The following DYNC2I1 variants were observed in gnomAD, a reference collection of about 807,000 sequenced individuals.
The protein encoded by DYNC2I1 is dynein 2 intermediate chain 1, also known as cytoplasmic dynein 2 intermediate chain 1.
In DYNC2I1, 89 loss-of-function variants were observed where a neutral mutation model predicts 133.4. The ratio of observed to expected loss-of-function variants is 0.67; its 90% CI spans 0.56 to 0.80. DYNC2I1 has a LOEUF of 0.80. Among genes scored for constraint, DYNC2I1 ranks in the 30% least tolerant of loss-of-function variants. DYNC2I1 has a pLI of 0.00. For missense variants in DYNC2I1, 1,291 were observed against 1,314.5 expected, an observed-to-expected ratio of 0.98 and a Z score of 0.28; for synonymous variants, 504 against 484.3, an observed-to-expected ratio of 1.04 and a Z score of -0.54.
chr7:158,894,232 A>G (rs1225482173), intron 8 of DYNC2I1, among the ~76,000 whole-genome samples: 3 of 152,064 alleles, frequency 2.0e-5, no homozygotes, highest in African/African-American at 7.2e-5. Flanking sequence ...CCTACCACAT[A>G]TCGTACTGCA....
At chr7:158,950,151 C>A (rs1195557198), downstream of DYNC2I1, among the ~76,000 whole-genome samples, 9 of 152,176 alleles carry the variant, frequency 5.9e-5, no homozygotes, top group Non-Finnish European at 1.2e-4. Context: ...GCAGCCTCTG[C>A]CTCCCAGGTT....
chr7:158,844,457 G>T, the DYNC2I1 span, among the ~76,000 whole-genome samples: 1 of 151,888 alleles, frequency 6.6e-6, no homozygotes, highest in African/African-American at 2.4e-5. Context: ...GGGAATTGGG[G>T]TGGGTGGGTG....
chr7:158,886,708 A>G (rs1329585703), intron 6 of DYNC2I1, among the ~76,000 whole-genome samples: 1 of 152,034 alleles, frequency 6.6e-6, no homozygotes, highest in Admixed American at 6.6e-5. Flanking sequence ...GGCTCAAGCA[A>G]ACCTCCTGCC....
chr7:158,942,227 T>C (rs1851450370), intron 24 of DYNC2I1, 79 bp downstream of exon 24: 1 of 1,147,046 alleles, frequency 8.7e-7, no homozygotes, highest in African/African-American at 1.6e-5. Context: ...CTTTCTTCAT[T>C]AATTTTTGCA....
chr7:158,879,976 A>G lies in DYNC2I1; in HGVS notation c.866A>G (p.Lys289Arg). 6.3e-7 allele frequency: 1 copy of G among 1,595,838 alleles called. No individual in the cohort carries two copies. The highest frequency in any genetic ancestry group is 8.5e-7 in the Non-Finnish European group (1 of 1,174,556). ...KEKSAKDEPR[K>R]RESQNGEHRN... ...AAATCGGCAAAAGATGAGCCCAGGAAAAGGGAATCCCAGGTACCCCTTCTG... is the reference window on the plus strand; with the variant it reads ...AAATCGGCAAAAGATGAGCCCAGGAGAAGGGAATCCCAGGTACCCCTTCTG... Residue 289 changes from lysine to arginine, a missense_variant, in exon 5 of 25, where the codon AAA (lysine) becomes AGA (arginine). By Grantham distance (26) the Lys-to-Arg change is conservative (BLOSUM62 2). Transcript: ENST00000407559.
At chr7:158,841,684 C>A in the DYNC2I1 span, among the ~76,000 whole-genome samples, 1 of 152,106 alleles carries the variant, frequency 6.6e-6, no homozygotes, top group African/African-American at 2.4e-5. Context: ...GTTTTGGGTC[C>A]TTTTCTAGTC....
chr7:158,847,786 A>G, the DYNC2I1 span, among the ~76,000 whole-genome samples: 1 of 152,206 alleles, frequency 6.6e-6, no homozygotes, highest in Non-Finnish European at 1.5e-5. Flanking sequence ...AGGAAAAATT[A>G]AGCCAAGGCA....
At position 158,934,605 on chromosome 7, in the gene DYNC2I1, G is replaced by T. The variant is rs183265292; in HGVS notation, c.2778+56G>T. ...TCTTCTTTTTTTGTTTTTTGAGACA[G>T]GGTCTTGCTCTGTCACCCAAGCTGG... On this transcript the variant is annotated intron_variant, in intron 23 of 24. Coordinates refer to ENST00000407559, the MANE Select transcript of DYNC2I1 (RefSeq NM_018051.5). The T allele has an allele frequency of 3.9e-5, 59 of 1,522,538 alleles. No individual in the cohort carries two copies. In the African/African-American group the frequency reaches 6.6e-4, roughly 17 times the overall value. The allele number at this position is 1,522,538 out of a possible 1,614,324, so 94.3% of individuals were successfully genotyped here. A position where few individuals can be genotyped will look rare whatever the true frequency, so the allele number is the denominator to read the frequency against.
At position 158,880,525 on chromosome 7, in the gene DYNC2I1, A is replaced by G. The variant is rs145274993; in HGVS notation, c.879+536A>G. Among the ~76,000 whole-genome samples the G allele has an allele frequency of 6.9e-3, 1,047 of 152,220 alleles. 9 individuals carry two copies. The highest frequency in any genetic ancestry group is 0.024 in the African/African-American group (989 of 41,542). ...CAGTGAGCTGAGATCGCACCACTGC[A>G]CTCCAACCTGGGTGACGGAGTGAGA... On this transcript the variant is annotated intron_variant, in intron 5 of 24. Coordinates refer to ENST00000407559, the MANE Select transcript of DYNC2I1 (RefSeq NM_018051.5).
At chr7:158,943,101 T>C (rs192667452) in intron 24 of DYNC2I1, among the ~76,000 whole-genome samples, 2 of 152,300 alleles carry the variant, frequency 1.3e-5, no homozygotes, top group East Asian at 3.9e-4. Context: ...AAAGGAAAGA[T>C]AAGAGTTTAA....
At chr7:158,869,967 C>T in intron 2 of DYNC2I1, 59 bp downstream of exon 2, 4 of 1,424,900 alleles carry the variant, frequency 2.8e-6, no homozygotes, top group Non-Finnish European at 2.9e-6. Flanking sequence ...TTTTCTTGGA[C>T]CTGCTTTACC....
intron 1 of DYNC2I1, among the ~76,000 whole-genome samples, chr7:158,868,083 A>G (rs1207763301): frequency 6.6e-6 from 1 of 152,194 alleles, no homozygotes; most frequent in Non-Finnish European, 1.5e-5. Context: ...GACCCTGTCA[A>G]AAAAACAAAA....
At chr7:158,938,363 A>T (rs1388035176) in intron 23 of DYNC2I1, among the ~76,000 whole-genome samples, 7 of 152,216 alleles carry the variant, frequency 4.6e-5, no homozygotes, top group Admixed American at 2.0e-4. Context: ...AGAATACCGT[A>T]TCCAGCAAAA....
chr7:158,945,929 A>G lies in DYNC2I1; in HGVS notation c.*150A>G, dbSNP rs902243977. 9.0e-6 allele frequency: 7 copies of G among 773,560 alleles called. No individual in the cohort carries two copies. In the African/African-American group the frequency reaches 1.3e-4, roughly 14 times the overall value. The allele number at this position is 773,560 out of a possible 1,614,324, so 47.9% of individuals were successfully genotyped here. A position where few individuals can be genotyped will look rare whatever the true frequency, so the allele number is the denominator to read the frequency against. ...TATTTTACATGAATATGTCTTTGGTATTCCCAGTAAATAGATGACTACTTT... is the reference window on the plus strand; with the variant it reads ...TATTTTACATGAATATGTCTTTGGTGTTCCCAGTAAATAGATGACTACTTT... On this transcript the variant is annotated 3_prime_UTR_variant, in exon 25 of 25. Transcript: ENST00000407559. The surrounding 1 kb of genome is among the most constrained non-coding windows in gnomAD (Gnocchi z 4.1).
chr7:158,890,720 C>A (rs1416939929), intron 7 of DYNC2I1, among the ~76,000 whole-genome samples: 1 of 151,964 alleles, frequency 6.6e-6, no homozygotes, highest in Non-Finnish European at 1.5e-5. Context: ...ATTATAGGCA[C>A]CCGCCACCAT....
At chr7:158,847,029 T>G in the DYNC2I1 span, among the ~76,000 whole-genome samples, 1 of 152,232 alleles carries the variant, frequency 6.6e-6, no homozygotes, top group Non-Finnish European at 1.5e-5. Context: ...AAGTAAGTGC[T>G]TATCAGACTT....
rs2301900 is a variant in DYNC2I1, at chr7:158,918,604, T to C, written c.1792-136T>C. On this transcript the variant is annotated intron_variant, in intron 14 of 24. Transcript: ENST00000407559. ...ATTGAGCAGAAAGGACCGTATCGTT[T>C]TTCTTGTAGTTATGATAGCGTCATG... The C allele has an allele frequency of 0.14, 131,521 of 966,902 alleles. 12,038 individuals carry two copies. Among genetic ancestry groups the C allele is most frequent in the East Asian group, 0.43 (17,184 of 39,946 alleles). 59.9% of individuals were successfully genotyped at this position (966,902 alleles called of 1,614,324 possible).
At chr7:158,880,717 T>C (rs1031558020) in intron 5 of DYNC2I1, among the ~76,000 whole-genome samples, 1 of 152,210 alleles carries the variant, frequency 6.6e-6, no homozygotes, top group Non-Finnish European at 1.5e-5. Context: ...AAGCATTGAT[T>C]GCAGAGGGTC....
chr7:158,848,384 C>T, the DYNC2I1 span, among the ~76,000 whole-genome samples: 1 of 152,172 alleles, frequency 6.6e-6, no homozygotes, highest in African/African-American at 2.4e-5. Context: ...GCCCATTTTA[C>T]ATGGGCACCT....
Sources: allele counts gnomAD v4.1 joint callset (sites outside exome capture counted in the v4.1 genomes callset), GRCh38; gene constraint gnomAD v4.1.1; non-coding constraint Gnocchi (gnomAD v3.1); transcripts MANE v1.5; gene names NCBI Gene and HGNC (gene_info 2026-07-23, HGNC 2026-07-21).